NAP1L1: variants seen among roughly 807,000 people sequenced by gnomAD.
The protein encoded by NAP1L1 is nucleosome assembly protein 1 like 1.
In NAP1L1, 9 loss-of-function variants were observed where a neutral mutation model predicts 58.9. The observed-to-expected ratio is 0.15, with a 90% CI of 0.09 to 0.27. The LOEUF (loss-of-function observed/expected upper bound fraction) is 0.27. NAP1L1 is among the 10% of genes least tolerant of loss of function. NAP1L1 has a pLI of 1.00. For synonymous variants in NAP1L1, 130 were observed against 138.3 expected, an observed-to-expected ratio of 0.94 and a Z score of 0.42; for missense variants, 302 against 458.8, an observed-to-expected ratio of 0.66 and a Z score of 3.12.
intron 1 of NAP1L1, among the ~76,000 whole-genome samples, chr12:76,080,651 A>C (rs1201438052): frequency 2.6e-5 from 4 of 152,216 alleles, no homozygotes; most frequent in African/African-American, 7.2e-5. Flanking sequence ...TGCTGGAAGA[A>C]GACTTCATGA....
rs766956337 is a variant in NAP1L1, at chr12:76,060,211, T to C, written c.275A>G (p.Glu92Gly). 1 of 1,613,856 alleles carries C rather than the reference T, an allele frequency of 6.2e-7. No individual in the cohort carries two copies. The highest frequency in any genetic ancestry group is 8.5e-7 in the Non-Finnish European group (1 of 1,179,796). The change falls in exon 5 of 15, where the codon GAA becomes GGA. Residue 92 changes from glutamate (E) to glycine (G), a missense_variant. By Grantham distance (98) the Glu-to-Gly change is moderately conservative (BLOSUM62 -2). Coordinates refer to ENST00000618691, the MANE Select transcript of NAP1L1 (RefSeq NM_004537.7). ...KNLQVKCAQI[E>G]AKFYEEVHDL... is the part of the protein sequence containing the mutation. Reference sequence around the variant, plus strand: ...GTGAACTTCCTCATAGAATTTGGCTTCTATCTGTGCACATTTAACTTGCAG... The same window carrying C: ...GTGAACTTCCTCATAGAATTTGGCTCCTATCTGTGCACATTTAACTTGCAG...
At chr12:76,065,244 T>TA (rs550938713) in intron 4 of NAP1L1, among the ~76,000 whole-genome samples, 114 of 145,012 alleles carry the variant, frequency 7.9e-4, no homozygotes, top group Middle Eastern at 7.0e-3. Flanking sequence ...TTGATACAGT[T>TA]AAAAAAAAAA....
At position 76,059,789 on chromosome 12, in the gene NAP1L1, G is replaced by A; in HGVS notation, c.429+9C>T. 3 of 1,571,792 alleles carry A rather than the reference G, an allele frequency of 1.9e-6. No homozygotes were observed. Among genetic ancestry groups the A allele is most frequent in the Non-Finnish European group, 2.6e-6 (3 of 1,150,996 alleles). On this transcript the variant is annotated intron_variant, in intron 6 of 14. Coordinates refer to ENST00000618691, the MANE Select transcript of NAP1L1 (RefSeq NM_004537.7). Reference sequence around the variant, plus strand: ...CTTAAAAACATACCAAAATAAAGTTGGTACTAACCGAAATCTCATCTTCTT... The same window carrying A: ...CTTAAAAACATACCAAAATAAAGTTAGTACTAACCGAAATCTCATCTTCTT...
intron 6 of NAP1L1, chr12:76,056,632 A>C (rs1364312449): frequency 2.2e-6 from 1 of 455,982 alleles, no homozygotes; most frequent in Admixed American, 2.3e-5. Flanking sequence ...GTCACTTAGA[A>C]GCCTCCATGT....
Position 76,068,992 on chromosome 12 carries a change from T to C in NAP1L1, c.20A>G (p.Lys7Arg), listed in dbSNP as rs1415843347. The C allele has an allele frequency of 6.2e-7, 1 of 1,608,960 alleles. No individual in the cohort carries two copies. The highest frequency in any genetic ancestry group is 8.5e-7 in the Non-Finnish European group (1 of 1,176,646). The change falls in exon 3 of 15, where the codon AAA becomes AGA. Residue 7 changes from lysine (K) to arginine (R), a missense_variant and splice_region_variant. Coordinates refer to ENST00000618691, the MANE Select transcript of NAP1L1 (RefSeq NM_004537.7). The stretch of plus-strand genomic sequence containing the variant: ...ATCTTGATCAAGTTCAGACTGTTCT[T>C]TGCTATAATATCATAGTATCACACC... MADIDN[K>R]EQSELDQDLD... is the part of the protein sequence containing the mutation.
chr12:76,053,863 T>C lies in NAP1L1; in HGVS notation c.677A>G (p.Asn226Ser). Residue 226 changes from asparagine (N) to serine (S), a missense_variant, in exon 9 of 15, where the codon AAT (asparagine) becomes AGT (serine). By Grantham distance (46) the Asn-to-Ser change is conservative. Transcript: ENST00000618691. ...FHFEPNEYFT[N>S]EVLTKTYRMR... The stretch of plus-strand genomic sequence containing the variant: ...CCTGTATGTCTTTGTCAGCACTTCA[T>C]TTGTAAAATATTCATTGGGTTCAAA... The C allele has an allele frequency of 1.3e-6, 2 of 1,590,888 alleles. No homozygotes were observed. The highest frequency in any genetic ancestry group is 1.7e-6 in the Non-Finnish European group (2 of 1,174,306).
At chr12:76,059,481 C>T (rs1949300845) in intron 6 of NAP1L1, 1 of 265,612 alleles carries the variant, frequency 3.8e-6, no homozygotes, top group Non-Finnish European at 7.0e-6. Context: ...AGTTTTAATG[C>T]TCCATCAGAT....
chr12:76,049,633 G>T, intron 13 of NAP1L1, 123 bp downstream of exon 13: 1 of 1,526,092 alleles, frequency 6.6e-7, no homozygotes. Flanking sequence ...CTAAAATCAT[G>T]TTTTCCAAAA....
At chr12:76,066,097 A>AAAATAAAT (rs763030439) in intron 4 of NAP1L1, among the ~76,000 whole-genome samples, 1 of 140,144 alleles carries the variant, frequency 7.1e-6, no homozygotes, top group South Asian at 2.3e-4. Context: ...AGGAGGACCC[A>AAAATAAAT]AAATAAATAA....
In NAP1L1 at chr12:76,039,196, T is replaced by C. The variant is rs1478841769; in HGVS notation, c.*9233A>G. The stretch of plus-strand genomic sequence containing the variant: ...CTCCCTTGGCATTCACACCCAGCTC[T>C]ATTTTATTTACTATCCTACTTTTAG... On this transcript the variant is annotated 3_prime_UTR_variant, in exon 15 of 15. Transcript: ENST00000618691. 1 of 152,250 alleles carries C rather than the reference T, an allele frequency of 6.6e-6. No individual in the cohort carries two copies. Among genetic ancestry groups the C allele is most frequent in the Non-Finnish European group, 1.5e-5 (1 of 68,050 alleles). The allele number at this position is 152,250 out of a possible 1,614,324, so 9.4% of individuals were successfully genotyped here. A position where few individuals can be genotyped will look rare whatever the true frequency, so the allele number is the denominator to read the frequency against.
chr12:76,076,185 G>C (rs927971742), intron 1 of NAP1L1, among the ~76,000 whole-genome samples: 2 of 152,086 alleles, frequency 1.3e-5, no homozygotes, highest in African/African-American at 4.8e-5. Context: ...TCACTCCCCA[G>C]AGATGCTTTC....
chr12:76,077,533 G>C (rs1950224327), intron 1 of NAP1L1, among the ~76,000 whole-genome samples: 1 of 152,162 alleles, frequency 6.6e-6, no homozygotes, highest in Non-Finnish European at 1.5e-5. Context: ...AGAAACACAA[G>C]TTTAGGTTAA....
chr12:76,074,391 C>T, intron 1 of NAP1L1, 152 bp from the exon 2 acceptor site: 1 of 974,690 alleles, frequency 1.0e-6, no homozygotes, highest in Non-Finnish European at 1.2e-6. Context: ...GAAGAAAAAA[C>T]TCATGGAACA....
chr12:76,044,453 A>C lies in NAP1L1; in HGVS notation c.*3976T>G, dbSNP rs1461101447. The C allele has an allele frequency of 1.3e-5, 2 of 152,210 alleles. No individual in the cohort carries two copies. The highest frequency in any genetic ancestry group is 2.9e-5 in the Non-Finnish European group (2 of 68,036). The allele number at this position is 152,210 out of a possible 1,614,324, so 9.4% of individuals were successfully genotyped here. A position where few individuals can be genotyped will look rare whatever the true frequency, so the allele number is the denominator to read the frequency against. ...CAATTTCCCATAGGAAAATTAAACA[A>C]CCAGACTGACTTATTTCCCGCCAGT... On this transcript the variant is annotated 3_prime_UTR_variant, in exon 15 of 15. Transcript: ENST00000618691.
At position 76,060,184 on chromosome 12, in the gene NAP1L1, T is replaced by C; in HGVS notation, c.302A>G (p.Asp101Gly). ...GAGAACAGCATACTTCCTTTCAAGA[T>C]CGTGAACTTCCTCATAGAATTTGGC... is the stretch of plus-strand genomic sequence containing the variant. The part of the protein sequence containing the change: ...IEAKFYEEVH[D>G]LERKYAVLYQ... The change falls in exon 5 of 15, where the codon GAT (aspartate) becomes GGT (glycine). Residue 101 changes from aspartate to glycine, a missense_variant. Physicochemically the swap from Asp to Gly is moderately conservative, Grantham distance 94 (BLOSUM62 -1). Transcript: ENST00000618691. The C allele has an allele frequency of 6.2e-7, 1 of 1,613,484 alleles. No individual in the cohort carries two copies. The highest frequency in any genetic ancestry group is 2.2e-5 in the East Asian group (1 of 44,806).
At chr12:76,070,781 T>C (rs1393538077) in intron 2 of NAP1L1, among the ~76,000 whole-genome samples, 1 of 152,180 alleles carries the variant, frequency 6.6e-6, no homozygotes, top group Admixed American at 6.5e-5. Context: ...GGCACAGTAA[T>C]TACAACTAAC....
At chr12:76,069,229 A>G (rs1949834927) in intron 2 of NAP1L1, among the ~76,000 whole-genome samples, 1 of 152,222 alleles carries the variant, frequency 6.6e-6, no homozygotes, top group African/African-American at 2.4e-5. Context: ...GAAGCTTTAT[A>G]AAATTGGTTT....
intron 8 of NAP1L1, among the ~76,000 whole-genome samples, chr12:76,054,792 A>G (rs905687678): frequency 2.6e-5 from 4 of 152,156 alleles, no homozygotes; most frequent in African/African-American, 9.7e-5. Flanking sequence ...CCTTGGCATT[A>G]TTTTTATCCA....
chr12:76,050,445 T>C, intron 12 of NAP1L1, 86 bp downstream of exon 12: 2 of 1,468,236 alleles, frequency 1.4e-6, no homozygotes, highest in Non-Finnish European at 1.8e-6. Context: ...TATGTCCTGC[T>C]TCTTAAAAAC....
Sources: gnomAD v4.1 joint callset for allele counts (sites outside exome capture counted in the v4.1 genomes callset) on GRCh38, gnomAD v4.1.1 for gene constraint, MANE v1.5 for transcripts, NCBI Gene and HGNC (gene_info 2026-07-23, HGNC 2026-07-21) for gene names.